The following HYDIN variants were observed in gnomAD, a reference collection of about 807,000 sequenced individuals.
HYDIN encodes HYDIN axonemal central pair apparatus protein.
In HYDIN, 132 loss-of-function variants were observed where a neutral mutation model predicts 403.9. That is an observed-to-expected ratio of 0.33 (90% CI 0.28 to 0.38). The LOEUF is 0.38. HYDIN is among the 10% of genes least tolerant of loss of function. The pLI, the probability that HYDIN is intolerant of heterozygous loss-of-function variation, is 1.00. For synonymous variants in HYDIN, 1,202 were observed against 1,891.7 expected (o/e 0.64, Z 9.46); for missense variants, 2,827 against 5,009.5 (o/e 0.56, Z 13.15).
chr16:70,830,427 T>C (rs1597064056), intron 80 of HYDIN, among the ~76,000 whole-genome samples: 1 of 141,558 alleles, frequency 7.1e-6, no homozygotes, highest in Non-Finnish European at 1.5e-5. Flanking sequence ...GCACGCAGGG[T>C]CTTGGAGTCA....
At chr16:70,991,468 A>G in intron 24 of HYDIN, 72 bp from the exon 25 acceptor site, 1 of 1,585,088 alleles carries the variant, frequency 6.3e-7, no homozygotes, top group Non-Finnish European at 8.6e-7. Flanking sequence ...GGTGCATAAC[A>G]GCCCTGTCTT....
At chr16:70,808,694 C>A (rs1475841110) in intron 85 of HYDIN, among the ~76,000 whole-genome samples, 2 of 152,210 alleles carry the variant, frequency 1.3e-5, no homozygotes, top group African/African-American at 4.8e-5. Flanking sequence ...TGATCAAGAG[C>A]CTCTGCCTCT....
intron 21 of HYDIN, among the ~76,000 whole-genome samples, chr16:71,022,485 C>T (rs555947819): frequency 2.5e-4 from 38 of 152,290 alleles, no homozygotes; most frequent in African/African-American, 5.5e-4. Context: ...TAGAAAAATT[C>T]TTCCTATAGA....
intron 9 of HYDIN, among the ~76,000 whole-genome samples, chr16:71,126,973 C>G (rs909174076): frequency 1.9e-4 from 29 of 151,894 alleles, no homozygotes; most frequent in African/African-American, 6.3e-4. Flanking sequence ...AGAATTTTCC[C>G]ATTAAATACC....
At chr16:71,218,470 G>A (rs1211330721) in intron 1 of HYDIN, among the ~76,000 whole-genome samples, 2 of 152,176 alleles carry the variant, frequency 1.3e-5, no homozygotes, top group African/African-American at 4.8e-5. Context: ...TACTGGGGAG[G>A]AGGAAAAGCT....
chr16:70,864,752 G>A (rs1196957660), intron 67 of HYDIN, among the ~76,000 whole-genome samples: 1 of 152,068 alleles, frequency 6.6e-6, no homozygotes, highest in Non-Finnish European at 1.5e-5. Flanking sequence ...TATAAAAAGA[G>A]TTCTCAGTTT....
intron 43 of HYDIN, among the ~76,000 whole-genome samples, chr16:70,939,540 C>A (rs2077604783): frequency 6.6e-6 from 1 of 152,196 alleles, no homozygotes; most frequent in African/African-American, 2.4e-5. Flanking sequence ...CATGTATGAA[C>A]ATGCCAGGCA....
chr16:71,184,585 G>C (rs1366437586), intron 3 of HYDIN, among the ~76,000 whole-genome samples: 1 of 152,072 alleles, frequency 6.6e-6, no homozygotes, highest in African/African-American at 2.4e-5. Flanking sequence ...ATAATTCTTA[G>C]AATTACTCCT....
rs1247612774 is a variant in HYDIN at position 70,943,915 on chromosome 16, T to C, written c.6566A>G (p.His2189Arg). Residue 2189 changes from histidine (H) to arginine (R), a missense_variant, in exon 42 of 86, where the codon CAC becomes CGC. Transcript: ENST00000393567. Reference sequence around the variant, plus strand: ...ACTGGGACTAACACTGAGCCAGCGGTGGATGGGCCCCGGGGGGAGAGGGCT... The same window carrying C: ...ACTGGGACTAACACTGAGCCAGCGGCGGATGGGCCCCGGGGGGAGAGGGCT... ...SSSPLPPGPI[H>R]RWLSVSPSVG... The C allele has an allele frequency of 2.5e-6, 4 of 1,613,152 alleles. No individual in the cohort carries two copies. Among genetic ancestry groups the C allele is most frequent in the Non-Finnish European group, 3.4e-6 (4 of 1,179,744 alleles).
intron 1 of HYDIN, among the ~76,000 whole-genome samples, chr16:71,209,097 GA>G (rs779767368): frequency 5.2e-4 from 79 of 151,572 alleles, no homozygotes; most frequent in Non-Finnish European, 9.9e-4. Flanking sequence ...AACAAAAAAA[GA>G]AAATGTCAGG....
Position 70,952,624 on chromosome 16 carries a change from C to A in HYDIN, c.6328G>T (p.Ala2110Ser). 1 of 1,611,622 alleles carries A rather than the reference C, an allele frequency of 6.2e-7. No individual in the cohort carries two copies. Among genetic ancestry groups the A allele is most frequent in the South Asian group, 1.1e-5 (1 of 90,714 alleles). Reference protein sequence around the residue: ...KEGEEAAQEAAVGQNVIGQGR... With the variant: ...KEGEEAAQEASVGQNVIGQGR... ...TGCCCTATGACGTTTTGACCCACAG[C>A]TGCCTCCTGGGCTATAAGGAGAGGG... The change falls in exon 41 of 86, where the codon GCT becomes TCT. Residue 2110 changes from alanine to serine, a missense_variant. Ala to Ser is a moderately conservative substitution (Grantham distance 99). Coordinates refer to ENST00000393567, the MANE Select transcript of HYDIN (RefSeq NM_001270974.2).
chr16:70,896,600 C>T (rs1436825873), intron 53 of HYDIN, among the ~76,000 whole-genome samples: 1 of 151,334 alleles, frequency 6.6e-6, no homozygotes, highest in Non-Finnish European at 1.5e-5. Flanking sequence ...AAACAATCCT[C>T]CCGTCTCAGC....
At chr16:71,022,561 G>A (rs2080536941) in intron 21 of HYDIN, among the ~76,000 whole-genome samples, 1 of 152,134 alleles carries the variant, frequency 6.6e-6, no homozygotes. Context: ...TGAAATCAGG[G>A]AGACAGAACA....
intron 5 of HYDIN, among the ~76,000 whole-genome samples, chr16:71,166,810 CA>C (rs1374933387): frequency 3.9e-4 from 55 of 141,224 alleles, no homozygotes; most frequent in Admixed American, 3.6e-4. Flanking sequence ...CGTGGTGGCT[CA>C]AGTCTATAAT....
intron 1 of HYDIN, among the ~76,000 whole-genome samples, chr16:71,208,872 A>G (rs9938247): frequency 0.35 from 53,441 of 151,944 alleles, 9,853 homozygotes; most frequent in East Asian, 0.58. Flanking sequence ...AAACAGACTA[A>G]TAACAAGCTC....
intron 83 of HYDIN, among the ~76,000 whole-genome samples, chr16:70,825,759 A>G (rs2036553467): frequency 6.6e-6 from 1 of 151,582 alleles, no homozygotes; most frequent in Middle Eastern, 3.4e-3. Flanking sequence ...GTTTCTGTAG[A>G]TTGGCTTATT....
intron 36 of HYDIN, among the ~76,000 whole-genome samples, chr16:70,969,218 G>A (rs1171776330): frequency 6.6e-6 from 1 of 150,896 alleles, no homozygotes; most frequent in African/African-American, 2.4e-5. Flanking sequence ...GCTGAAAAAG[G>A]TACTTGAATA....
rs760500439 is a variant in HYDIN, at chr16:71,062,331, C to T, written c.2214G>A (p.Val738=). The stretch of plus-strand genomic sequence containing the variant: ...ACAGCACAGTAGGCACCTCCTCACA[C>T]ACCTGGGGGAGAGAAAACCAGAGGG... ...LPGFYEVQPQ[V]CEEVPTVLFS... is the part of the protein sequence containing the mutation. The change falls in exon 17 of 86, where the codon GTG becomes GTA. Residue 738 remains valine, a splice_region_variant and synonymous_variant. Coordinates refer to ENST00000393567, the MANE Select transcript of HYDIN (RefSeq NM_001270974.2). 1.3e-6 allele frequency: 2 copies of T among 1,597,108 alleles called. No individual in the cohort carries two copies. Among genetic ancestry groups the T allele is most frequent in the Non-Finnish European group, 1.7e-6 (2 of 1,170,854 alleles).
At chr16:70,809,311 C>G (rs2035306376) in intron 85 of HYDIN, among the ~76,000 whole-genome samples, 2 of 152,290 alleles carry the variant, frequency 1.3e-5, no homozygotes, top group Admixed American at 1.3e-4. Context: ...AAGAAAATGG[C>G]TTTAGATACA....
Sources: gnomAD v4.1 joint callset for allele counts (sites outside exome capture counted in the v4.1 genomes callset) on GRCh38, gnomAD v4.1.1 for gene constraint, MANE v1.5 for transcripts, NCBI Gene and HGNC (gene_info 2026-07-23, HGNC 2026-07-21) for gene names.